Variants in TMEM44 observed in about 807,000 individuals in gnomAD.
The protein encoded by TMEM44 is transmembrane protein 44.
TMEM44 carries 43 observed loss-of-function variants against 47.8 expected under a neutral mutation model. The ratio of observed to expected loss-of-function variants is 0.90; its 90% CI spans 0.70 to 1.16. TMEM44 has a LOEUF of 1.16. Among genes scored for constraint, TMEM44 ranks in the 50% most tolerant of loss-of-function variants. The pLI, the probability that TMEM44 is intolerant of heterozygous loss-of-function variation, is 0.00. For missense variants in TMEM44, 568 were observed against 555.2 expected, an observed-to-expected ratio of 1.02 and a Z score of -0.23; for synonymous variants, 277 against 238.8, an observed-to-expected ratio of 1.16 and a Z score of -1.48.
At chr3:194,589,491 C>G (rs752506572) in intron 9 of TMEM44, 1 of 152,168 alleles carries the variant, frequency 6.6e-6, no homozygotes, top group Non-Finnish European at 1.5e-5. Context: ...ATGGGCTCCA[C>G]GGGAACAGAG....
chr3:194,601,226 C>G (rs1714071872), intron 9 of TMEM44, among the ~76,000 whole-genome samples: 1 of 151,144 alleles, frequency 6.6e-6, no homozygotes, highest in African/African-American at 2.4e-5. Context: ...TCACTGCAAT[C>G]TCCGCCCCTC....
At chr3:194,604,879 A>G (rs1714604364) in intron 8 of TMEM44, among the ~76,000 whole-genome samples, 1 of 152,214 alleles carries the variant, frequency 6.6e-6, no homozygotes, top group Admixed American at 6.5e-5. Flanking sequence ...TGCTTTTGCA[A>G]TCAATACTGA....
rs56213962 is a variant in TMEM44, at chr3:194,627,784, G to A, written c.264+599C>T. On this transcript the variant is annotated intron_variant, in intron 2 of 9. Coordinates refer to ENST00000347147, the MANE Select transcript of TMEM44 (RefSeq NM_001011655.3). ...TCCTGAGGTCAGGAGTTCGAGACCA[G>A]CCTGGGCAACATGGTGAAACCCCAT... is the stretch of plus-strand genomic sequence containing the variant. Among the ~76,000 whole-genome samples the A allele has an allele frequency of 8.5e-3, 1,291 of 152,176 alleles. 8 individuals are homozygous for A. The highest frequency in any genetic ancestry group is 0.014 in the Non-Finnish European group (964 of 67,992).
At chr3:194,630,969 T>C (rs1257636044) in intron 1 of TMEM44, among the ~76,000 whole-genome samples, 2 of 136,744 alleles carry the variant, frequency 1.5e-5, no homozygotes, top group African/African-American at 5.7e-5. Flanking sequence ...TCCGTCGGCA[T>C]CACTGATAGG....
chr3:194,628,145 G>A (rs1577228892), intron 2 of TMEM44, among the ~76,000 whole-genome samples: 1 of 152,300 alleles, frequency 6.6e-6, no homozygotes, highest in East Asian at 1.9e-4. Flanking sequence ...CACTGCTCCT[G>A]GCCGTGAGAA....
At chr3:194,599,616 G>A (rs1263485995) in intron 9 of TMEM44, among the ~76,000 whole-genome samples, 59 of 135,482 alleles carry the variant, frequency 4.4e-4, no homozygotes, top group African/African-American at 1.6e-3. Flanking sequence ...ACAGAGTCTC[G>A]TTCTATTGTC....
At chr3:194,604,155 C>T in intron 9 of TMEM44, 132 bp downstream of exon 9, 1 of 1,203,932 alleles carries the variant, frequency 8.3e-7, no homozygotes, top group East Asian at 2.7e-5. Flanking sequence ...CGCCTGGCCT[C>T]ATTCATTATT....
intron 8 of TMEM44, among the ~76,000 whole-genome samples, chr3:194,605,907 T>A (rs1210778657): frequency 7.3e-6 from 1 of 136,770 alleles, no homozygotes; most frequent in East Asian, 1.9e-4. Context: ...CTTGATGGGT[T>A]AGGTGCACAA....
At chr3:194,632,074 C>T (rs149552239) in intron 1 of TMEM44, among the ~76,000 whole-genome samples, 1 of 152,306 alleles carries the variant, frequency 6.6e-6, no homozygotes, top group Non-Finnish European at 1.5e-5. Context: ...TTGGTTCTTT[C>T]CTTTCACTCA....
At chr3:194,594,182 T>C (rs1713131720) in intron 9 of TMEM44, among the ~76,000 whole-genome samples, 1 of 151,958 alleles carries the variant, frequency 6.6e-6, no homozygotes, top group Admixed American at 6.6e-5. Flanking sequence ...TCTATCTGTG[T>C]ATGATGGAGT....
chr3:194,603,077 C>T (rs1025744614), intron 9 of TMEM44, among the ~76,000 whole-genome samples: 1 of 152,180 alleles, frequency 6.6e-6, no homozygotes, highest in East Asian at 1.9e-4. Flanking sequence ...GACATACAAG[C>T]GGCCGCTACA....
At chr3:194,606,732 G>T (rs557418827) in intron 8 of TMEM44, among the ~76,000 whole-genome samples, 6 of 152,190 alleles carry the variant, frequency 3.9e-5, no homozygotes, top group African/African-American at 1.4e-4. Context: ...TTGAGGTCAG[G>T]AGTTTGAGAA....
intron 9 of TMEM44, among the ~76,000 whole-genome samples, chr3:194,596,209 G>C (rs1713390733): frequency 6.6e-6 from 1 of 152,106 alleles, no homozygotes; most frequent in African/African-American, 2.4e-5. Flanking sequence ...CTGGGGTCGA[G>C]TGTTGGAAAA....
intron 1 of TMEM44, among the ~76,000 whole-genome samples, chr3:194,630,682 C>G (rs1348547458): frequency 7.3e-6 from 1 of 136,992 alleles, no homozygotes; most frequent in African/African-American, 3.0e-5. Flanking sequence ...CTGTTTCCAT[C>G]GGCGTCACTG....
intron 1 of TMEM44, among the ~76,000 whole-genome samples, chr3:194,629,032 C>T (rs1346259531): frequency 6.6e-6 from 1 of 151,990 alleles, no homozygotes; most frequent in African/African-American, 2.4e-5. Flanking sequence ...GGTGTGGTGG[C>T]GTGCGCCTGT....
intron 9 of TMEM44, among the ~76,000 whole-genome samples, chr3:194,600,738 A>G (rs1190103702): frequency 1.3e-5 from 2 of 151,944 alleles, no homozygotes; most frequent in African/African-American, 4.9e-5. Context: ...TGACAGAGCA[A>G]GACTCCGTCT....
At chr3:194,615,446 G>T in intron 7 of TMEM44, 123 bp downstream of exon 7, 2 of 1,351,880 alleles carry the variant, frequency 1.5e-6, no homozygotes, top group Non-Finnish European at 2.0e-6. Context: ...TGTCTGAGTC[G>T]CCTGCAGAGA....
rs762398684 is a variant in TMEM44 at position 194,588,369 on chromosome 3, T to C, written c.*160A>G. ...CCAAAGTCGTAGCTCCGTGATGAGC[T>C]ATGATGTAGCCCAGCCACACTCAGT... is the stretch of plus-strand genomic sequence containing the variant. On this transcript the variant is annotated 3_prime_UTR_variant, in exon 10 of 10. Transcript: ENST00000347147. 5 of 630,506 alleles carry C rather than the reference T, an allele frequency of 7.9e-6. No individual in the cohort carries two copies. The highest frequency in any genetic ancestry group is 2.8e-5 in the Admixed American group (1 of 35,508). The allele number at this position is 630,506 out of a possible 1,614,324, so 39.1% of individuals were successfully genotyped here.
chr3:194,601,485 G>A (rs1460088923), intron 9 of TMEM44, among the ~76,000 whole-genome samples: 1 of 151,708 alleles, frequency 6.6e-6, no homozygotes, highest in Non-Finnish European at 1.5e-5. Context: ...TATATTTTTA[G>A]TAGAGACTGG....
Sources: gnomAD v4.1 joint callset for allele counts (sites outside exome capture counted in the v4.1 genomes callset) on GRCh38, gnomAD v4.1.1 for gene constraint, MANE v1.5 for transcripts, NCBI Gene and HGNC (gene_info 2026-07-23, HGNC 2026-07-21) for gene names.